TBC1D32: variants seen among roughly 807,000 people sequenced by gnomAD.
TBC1D32 encodes TBC1 domain family member 32, also known as protein broad-minded.
In TBC1D32, 151 loss-of-function variants were observed where a neutral mutation model predicts 170.3. The observed-to-expected ratio is 0.89, with a 90% CI of 0.78 to 1.01. TBC1D32 has a LOEUF of 1.01. TBC1D32 is among the 50% of genes least tolerant of loss of function. The pLI is 0.00. For missense variants in TBC1D32, 1,464 were observed against 1,457.1 expected (o/e 1.00, Z -0.08); for synonymous variants, 498 against 488.0 (o/e 1.02, Z -0.27).
chr6:121,293,577 G>A (rs1418140140), intron 11 of TBC1D32, among the ~76,000 whole-genome samples: 1 of 152,170 alleles, frequency 6.6e-6, no homozygotes, highest in Non-Finnish European at 1.5e-5. Flanking sequence ...ATAAGCAAGA[G>A]CAAGAAAAAT....
chr6:121,288,246 A>T (rs1185184431), intron 12 of TBC1D32, among the ~76,000 whole-genome samples: 2 of 152,210 alleles, frequency 1.3e-5, no homozygotes, highest in African/African-American at 4.8e-5. Context: ...CAAAATTGAT[A>T]AACTGCTAAC....
At chr6:121,319,119 T>C (rs137984433) in intron 2 of TBC1D32, among the ~76,000 whole-genome samples, 1 of 151,370 alleles carries the variant, frequency 6.6e-6, no homozygotes, top group Non-Finnish European at 1.5e-5. Context: ...TTTTAAAATA[T>C]ATGTATTTAA....
At chr6:121,182,739 A>G (rs1429513740) in intron 22 of TBC1D32, among the ~76,000 whole-genome samples, 2 of 152,018 alleles carry the variant, frequency 1.3e-5, no homozygotes, top group Non-Finnish European at 2.9e-5. Context: ...TCCTATTATT[A>G]GAATTATAAG....
chr6:121,211,938 C>G (rs1793118599), intron 21 of TBC1D32, among the ~76,000 whole-genome samples: 1 of 151,696 alleles, frequency 6.6e-6, no homozygotes, highest in Non-Finnish European at 1.5e-5. Context: ...CAGTGCCGAG[C>G]AAATGGCAGG....
At chr6:121,264,118 C>T (rs1435385916) in intron 15 of TBC1D32, among the ~76,000 whole-genome samples, 2 of 151,890 alleles carry the variant, frequency 1.3e-5, no homozygotes, top group Admixed American at 6.6e-5. Context: ...GACATGAAAA[C>T]CCTTCAGAAA....
chr6:121,182,606 CAG>C (rs906961832), intron 22 of TBC1D32, among the ~76,000 whole-genome samples: 1 of 151,934 alleles, frequency 6.6e-6, no homozygotes, highest in African/African-American at 2.4e-5. Flanking sequence ...ACTTGAGTAA[CAG>C]AATTTATTAT....
At chr6:121,113,009 T>C (rs963653705) in intron 28 of TBC1D32, 53 bp downstream of exon 28, 55 of 1,343,580 alleles carry the variant, frequency 4.1e-5, no homozygotes, top group Non-Finnish European at 5.4e-5. Context: ...CAAAGAATCA[T>C]GAAAAATATG....
At chr6:121,235,384 C>T (rs541504284) in intron 20 of TBC1D32, among the ~76,000 whole-genome samples, 2 of 152,194 alleles carry the variant, frequency 1.3e-5, no homozygotes, top group East Asian at 1.9e-4. Context: ...CAGGGAGAGG[C>T]GTGTCTGAGC....
At chr6:121,180,172 A>G (rs2128270822) in intron 22 of TBC1D32, among the ~76,000 whole-genome samples, 1 of 152,234 alleles carries the variant, frequency 6.6e-6, no homozygotes, top group South Asian at 2.1e-4. Context: ...TCCACCATTG[A>G]TCTCTAGACT....
rs556438982 is a variant in TBC1D32, at chr6:121,259,119, G to A, written c.1734-2834C>T. 1.4e-4 allele frequency among the ~76,000 whole-genome samples: 22 copies of A among 152,088 alleles called. No homozygotes were observed. The East Asian group carries it at 3.5e-3, about 24-fold the overall frequency. On this transcript the variant is annotated intron_variant, in intron 15 of 31. Transcript: ENST00000398212. ...TCGAGACCAGCCTGGACAACATGGC[G>A]AAACTCCATCTCTACTAAAAATACA...
At chr6:121,131,948 T>TTGGGA in intron 24 of TBC1D32, among the ~76,000 whole-genome samples, 196 bp from the exon 25 acceptor site, 1 of 152,114 alleles carries the variant, frequency 6.6e-6, no homozygotes, top group Non-Finnish European at 1.5e-5. Context: ...CAACAATGAA[T>TTGGGA]TACTGAATTA....
At chr6:121,325,954 G>C (rs931433700) in intron 1 of TBC1D32, among the ~76,000 whole-genome samples, 31 of 152,192 alleles carry the variant, frequency 2.0e-4, no homozygotes, top group African/African-American at 7.5e-4. Flanking sequence ...TCAAAAAGTG[G>C]GTGAAGCATA....
At chr6:121,276,812 A>G (rs747314128) in intron 15 of TBC1D32, among the ~76,000 whole-genome samples, 5 of 152,222 alleles carry the variant, frequency 3.3e-5, no homozygotes, top group Non-Finnish European at 7.3e-5. Flanking sequence ...AAGGGTAAAA[A>G]GGAACATTAA....
At position 121,148,317 on chromosome 6, in the gene TBC1D32, AT is replaced by A. The variant is rs913029158; in HGVS notation, c.2773+11692del. Among the ~76,000 whole-genome samples, 82 of 151,454 alleles carry A rather than the reference AT, an allele frequency of 5.4e-4. 1 individual carries two copies. Among genetic ancestry groups the A allele is most frequent in the African/African-American group, 1.6e-3 (68 of 41,308 alleles). ...CTGTCCCTGAAAAGGACATGAACTA[AT>A]TTTTTTTTATGGTTGCATAGTATTC... On this transcript the variant is annotated intron_variant, in intron 24 of 31. Coordinates refer to ENST00000398212, the MANE Select transcript of TBC1D32 (RefSeq NM_152730.6).
At chr6:121,154,059 C>A (rs1172531738) in intron 24 of TBC1D32, among the ~76,000 whole-genome samples, 2 of 146,174 alleles carry the variant, frequency 1.4e-5, no homozygotes, top group African/African-American at 5.2e-5. Context: ...AAAAAAACCT[C>A]CTGCACCTAG....
At chr6:121,211,407 C>T (rs1259604094) in intron 21 of TBC1D32, among the ~76,000 whole-genome samples, 1 of 152,048 alleles carries the variant, frequency 6.6e-6, no homozygotes, top group Non-Finnish European at 1.5e-5. Flanking sequence ...TTCTAATGAA[C>T]CCATCACCCA....
chr6:121,185,604 A>T (rs1033635829), intron 22 of TBC1D32, among the ~76,000 whole-genome samples: 2 of 152,226 alleles, frequency 1.3e-5, no homozygotes, highest in Middle Eastern at 6.8e-3. Flanking sequence ...GAAGATAGTA[A>T]ATAACCCTGG....
chr6:121,218,380 T>C (rs1177245005), intron 21 of TBC1D32, among the ~76,000 whole-genome samples: 1 of 152,164 alleles, frequency 6.6e-6, no homozygotes, highest in East Asian at 1.9e-4. Flanking sequence ...AATCTCACCT[T>C]GAACTGTAGT....
At chr6:121,288,526 A>C (rs1174299698) in intron 12 of TBC1D32, among the ~76,000 whole-genome samples, 1 of 152,172 alleles carries the variant, frequency 6.6e-6, no homozygotes, top group Non-Finnish European at 1.5e-5. Flanking sequence ...TTGCCAACCA[A>C]AAAAAGTCCA....
Sources: gnomAD v4.1 joint callset for allele counts (sites outside exome capture counted in the v4.1 genomes callset) on GRCh38, gnomAD v4.1.1 for gene constraint, MANE v1.5 for transcripts, NCBI Gene and HGNC (gene_info 2026-07-23, HGNC 2026-07-21) for gene names.